PARP4: variants seen among roughly 807,000 people sequenced by gnomAD.
PARP4 encodes protein mono-ADP-ribosyltransferase PARP4.
A neutral mutation model predicts 187.7 loss-of-function variants in PARP4; 120 were observed. The ratio of observed to expected loss-of-function variants is 0.64; its 90% CI spans 0.55 to 0.74. The LOEUF is 0.74. Ranked by LOEUF, PARP4 falls within the 30% of genes least tolerant of loss-of-function variation. The pLI, the probability that PARP4 is intolerant of heterozygous loss-of-function variation, is 0.00. For synonymous variants in PARP4, 654 were observed against 740.9 expected (o/e 0.88, Z 1.90); for missense variants, 1,836 against 2,070.5 (o/e 0.89, Z 2.20).
chr13:24,484,137 A>G (rs1873428371), intron 12 of PARP4, among the ~76,000 whole-genome samples: 1 of 152,130 alleles, frequency 6.6e-6, no homozygotes, highest in Non-Finnish European at 1.5e-5. Flanking sequence ...GTTTCCTTGC[A>G]TTAAATGATG....
intron 27 of PARP4, among the ~76,000 whole-genome samples, chr13:24,445,152 G>A (rs1177028760): frequency 5.3e-5 from 8 of 152,154 alleles, no homozygotes; most frequent in African/African-American, 1.2e-4. Flanking sequence ...CACGTGGCTC[G>A]TGCACACGTA....
intron 18 of PARP4, chr13:24,459,539 ACACACACGC>A (rs1872082299): frequency 3.4e-6 from 1 of 294,714 alleles, no homozygotes; most frequent in South Asian, 4.5e-5. Flanking sequence ...GTATACACAC[ACACACACGC>A]ACACACACAC....
chr13:24,492,474 T>C lies in PARP4; in HGVS notation c.1000A>G (p.Met334Val), dbSNP rs373053102. 1.5e-5 allele frequency: 24 copies of C among 1,614,010 alleles called. No homozygotes were observed. The African/African-American group carries it at 2.4e-4, about 16-fold the overall frequency. The change falls in exon 9 of 34, where the codon ATG becomes GTG. Residue 334 changes from methionine to valine, a missense_variant. Transcript: ENST00000381989. Reference sequence around the variant, plus strand: ...AGTCCCAGGTTCACTTCTTTGGGCATTGTGCCTTTGTGAGGTATCAGTCTG... The same window carrying C: ...AGTCCCAGGTTCACTTCTTTGGGCACTGTGCCTTTGTGAGGTATCAGTCTG... The part of the protein sequence containing the change: ...FYRLIPHKGT[M>V]PKEVNLGLLA...
At chr13:24,489,364 C>A (rs1490927776) in intron 10 of PARP4, among the ~76,000 whole-genome samples, 1 of 152,132 alleles carries the variant, frequency 6.6e-6, no homozygotes, top group Non-Finnish European at 1.5e-5. Context: ...AATCCCAGCA[C>A]TTTGGGAGGC....
chr13:24,480,095 G>A (rs1164667283), intron 12 of PARP4, among the ~76,000 whole-genome samples: 3 of 152,190 alleles, frequency 2.0e-5, no homozygotes, highest in South Asian at 2.1e-4. Context: ...CTCTGGACAC[G>A]CCGCCTTTAG....
At chr13:24,482,655 TG>T (rs1056067585) in intron 12 of PARP4, among the ~76,000 whole-genome samples, 2 of 108,176 alleles carry the variant, frequency 1.8e-5, no homozygotes, top group Non-Finnish European at 4.2e-5. Context: ...TTATGTACAT[TG>T]TTTTTTTTTT....
Position 24,486,216 on chromosome 13 carries a change from G to A in PARP4, c.1304C>T (p.Pro435Leu). ...EFLSKLGNVR[P>L]LLHGSPVQNI... ...TTGTACAGGAGAACCATGCAACAAG[G>A]GCCTCACATTACCAAGTTTGCTCAA... Residue 435 changes from proline to leucine, a missense_variant, in exon 11 of 34, where the codon CCC becomes CTC. By Grantham distance (98) the Pro-to-Leu change is moderately conservative. Around this residue, in one of 8 missense-constraint regions of PARP4, gnomAD observed 1,147 missense variants for 1,214.2 expected, o/e 0.94. Coordinates refer to ENST00000381989, the MANE Select transcript of PARP4 (RefSeq NM_006437.4). 2.5e-6 allele frequency: 4 copies of A among 1,613,758 alleles called. No homozygotes were observed. The highest frequency in any genetic ancestry group is 3.4e-6 in the Non-Finnish European group (4 of 1,179,794).
chr13:24,454,184 G>T (rs527612011), intron 22 of PARP4, among the ~76,000 whole-genome samples: 3 of 152,272 alleles, frequency 2.0e-5, no homozygotes, highest in African/African-American at 7.2e-5. Flanking sequence ...TATGCAAAAT[G>T]TTGAGTCAAA....
chr13:24,497,225 T>C (rs906591303), intron 6 of PARP4, among the ~76,000 whole-genome samples: 7 of 152,178 alleles, frequency 4.6e-5, no homozygotes, highest in Admixed American at 1.3e-4. Context: ...CAAAGCCTCC[T>C]TTGTTGTTCC....
At chr13:24,476,207 G>A (rs1211777876) in intron 14 of PARP4, among the ~76,000 whole-genome samples, 1 of 150,748 alleles carries the variant, frequency 6.6e-6, no homozygotes, top group Non-Finnish European at 1.5e-5. Context: ...TTGAACTCCT[G>A]TGCTCAAGTA....
At chr13:24,442,765 T>G in intron 28 of PARP4, 80 bp from the exon 29 acceptor site, 1 of 771,118 alleles carries the variant, frequency 1.3e-6, no homozygotes, top group Non-Finnish European at 2.2e-6. Context: ...AGATTCGTAT[T>G]TCAGACTAAA....
chr13:24,485,525 A>T (rs987280420), intron 11 of PARP4, among the ~76,000 whole-genome samples: 9 of 151,972 alleles, frequency 5.9e-5, no homozygotes, highest in Admixed American at 5.9e-4. Flanking sequence ...CCCCAGGTGG[A>T]TCTTGTATGT....
intron 6 of PARP4, among the ~76,000 whole-genome samples, chr13:24,497,778 A>C (rs764897749): frequency 3.3e-5 from 5 of 152,230 alleles, no homozygotes; most frequent in Admixed American, 6.5e-5. Context: ...GCCCTGATCC[A>C]ATATGACTGC....
At chr13:24,480,116 A>G (rs1369331516) in intron 12 of PARP4, among the ~76,000 whole-genome samples, 1 of 152,094 alleles carries the variant, frequency 6.6e-6, no homozygotes, top group East Asian at 1.9e-4. Context: ...GAACTGTAAC[A>G]CTCACCGCGA....
intron 31 of PARP4, among the ~76,000 whole-genome samples, chr13:24,434,001 A>G (rs4770679): frequency 0.94 from 142,876 of 152,208 alleles, 67,164 homozygotes; most frequent in East Asian, 0.99. Flanking sequence ...GAGTACAGGT[A>G]CAAGTGCTTG....
Position 24,477,781 on chromosome 13 carries a change from T to C in PARP4, c.1709A>G (p.Gln570Arg), listed in dbSNP as rs146195330. The C allele has an allele frequency of 2.5e-6, 4 of 1,571,680 alleles. No homozygotes were observed. The highest frequency in any genetic ancestry group is 1.4e-5 in the African/African-American group (1 of 73,890). ...YIIKFSMPGD[Q>R]IKDFHPSDHT... Reference sequence around the variant, plus strand: ...ATCACTAGGATGAAAGTCCTTTATCTGATCTCCAGGCATGGAAAATTTAAT... The same window carrying C: ...ATCACTAGGATGAAAGTCCTTTATCCGATCTCCAGGCATGGAAAATTTAAT... Residue 570 changes from glutamine (Q) to arginine (R), a missense_variant, in exon 14 of 34, where the codon CAG becomes CGG. Transcript: ENST00000381989.
At chr13:24,496,464 A>G (rs1333291726) in intron 6 of PARP4, among the ~76,000 whole-genome samples, 1 of 152,176 alleles carries the variant, frequency 6.6e-6, no homozygotes, top group African/African-American at 2.4e-5. Flanking sequence ...GGGAAACCCA[A>G]GCTTTGGGCT....
intron 32 of PARP4, 21 bp downstream of exon 32, chr13:24,431,356 A>G (rs765999277): frequency 6.0e-6 from 8 of 1,342,460 alleles, no homozygotes; most frequent in Non-Finnish European, 8.3e-6. Context: ...TGACTTAATA[A>G]ATGGAAACAT....
At chr13:24,443,792 G>A in intron 27 of PARP4, 62 bp from the exon 28 acceptor site, 1 of 1,133,858 alleles carries the variant, frequency 8.8e-7, no homozygotes, top group Non-Finnish European at 1.3e-6. Context: ...GACTTGCAAA[G>A]AACATCATTT....
Sources: gnomAD v4.1 joint callset for allele counts (sites outside exome capture counted in the v4.1 genomes callset) on GRCh38, gnomAD v4.1.1 for gene constraint, gnomAD v4.1.1 regional missense constraint, MANE v1.5 for transcripts, NCBI Gene and HGNC (gene_info 2026-07-23, HGNC 2026-07-21) for gene names.